ZPBP: variants seen among roughly 807,000 people sequenced by gnomAD.
ZPBP encodes zona pellucida-binding protein 1.
In ZPBP, 26 loss-of-function variants were observed where a neutral mutation model predicts 44.8. That is an observed-to-expected ratio of 0.58 (90% CI 0.43 to 0.81). ZPBP has a LOEUF of 0.81. ZPBP is among the 30% of genes least tolerant of loss of function. ZPBP has a pLI of 0.00. For missense variants in ZPBP, 409 were observed against 434.0 expected (o/e 0.94, Z 0.51); for synonymous variants, 174 against 153.2 (o/e 1.14, Z -1.00).
At chr7:50,090,604 CGTATATATGT>C (rs1280486692) in intron 1 of ZPBP, among the ~76,000 whole-genome samples, 41 of 62,156 alleles carry the variant, frequency 6.6e-4, no homozygotes, top group African/African-American at 2.2e-3. Flanking sequence ...CGTATATATG[CGTATATATGT>C]GTATATATGT....
intron 7 of ZPBP, among the ~76,000 whole-genome samples, chr7:49,959,612 T>C (rs965050210): frequency 3.9e-5 from 6 of 152,072 alleles, no homozygotes; most frequent in African/African-American, 1.4e-4. Flanking sequence ...TTAAAAAGAA[T>C]TTACACACTT....
intron 7 of ZPBP, among the ~76,000 whole-genome samples, chr7:49,956,255 A>G (rs1269682522): frequency 1.3e-5 from 2 of 152,054 alleles, no homozygotes; most frequent in Admixed American, 6.5e-5. Context: ...AATATTTTGA[A>G]TTTAATAATA....
chr7:50,062,206 T>C (rs1328137322), intron 3 of ZPBP, among the ~76,000 whole-genome samples: 1 of 152,198 alleles, frequency 6.6e-6, no homozygotes, highest in Admixed American at 6.5e-5. Context: ...CATTCCATGC[T>C]CATGGGTAGA....
chr7:49,856,498 T>C (rs948090135), intron 2 of ZPBP, among the ~76,000 whole-genome samples: 11 of 152,152 alleles, frequency 7.2e-5, no homozygotes, highest in African/African-American at 2.4e-4. Flanking sequence ...TCTTTAAAAA[T>C]TACCCTTTAT....
chr7:49,913,951 A>G (rs1793592350), intron 1 of ZPBP: 1 of 152,228 alleles, frequency 6.6e-6, no homozygotes, highest in Non-Finnish European at 1.5e-5. Flanking sequence ...GAACACCTTG[A>G]GCCAAAGGAA....
chr7:50,063,471 T>C (rs74884745), intron 3 of ZPBP, among the ~76,000 whole-genome samples: 2 of 152,218 alleles, frequency 1.3e-5, no homozygotes, highest in Non-Finnish European at 2.9e-5. Context: ...TGTCAGAATA[T>C]ACAAACTCTA....
intron 6 of ZPBP, among the ~76,000 whole-genome samples, chr7:50,015,711 C>T (rs569184228): frequency 2.0e-5 from 3 of 151,326 alleles, no homozygotes; most frequent in African/African-American, 7.3e-5. Context: ...AAGCAAAATA[C>T]AAACAACCCC....
intron 7 of ZPBP, among the ~76,000 whole-genome samples, chr7:49,955,241 A>T (rs1795527808): frequency 6.6e-6 from 1 of 152,170 alleles, no homozygotes; most frequent in Admixed American, 6.6e-5. Context: ...TATGAAATCA[A>T]TGTTCTATAC....
chr7:49,891,893 ATATC>A (rs1307796633), intron 2 of ZPBP, among the ~76,000 whole-genome samples: 8 of 152,238 alleles, frequency 5.3e-5, no homozygotes, highest in Non-Finnish European at 1.2e-4. Flanking sequence ...TTTAAAGTAA[ATATC>A]TATCAAGAGT....
chr7:49,891,497 C>T (rs919625070), intron 2 of ZPBP, among the ~76,000 whole-genome samples: 2 of 152,074 alleles, frequency 1.3e-5, no homozygotes, highest in Non-Finnish European at 2.9e-5. Flanking sequence ...TGACAAGATA[C>T]TTCAAAAGAC....
intron 5 of ZPBP, among the ~76,000 whole-genome samples, chr7:50,026,547 TAAG>T (rs1296706815): frequency 6.6e-6 from 1 of 151,842 alleles, no homozygotes; most frequent in Non-Finnish European, 1.5e-5. Context: ...TCAGTAAGTA[TAAG>T]AAGATGAAAA....
intron 2 of ZPBP, among the ~76,000 whole-genome samples, chr7:49,882,269 T>C (rs1255719843): frequency 6.6e-6 from 1 of 152,140 alleles, no homozygotes; most frequent in African/African-American, 2.4e-5. Context: ...GGAAGAGAGA[T>C]TCTTGGCTAT....
chr7:49,936,947 A>G (rs1310962424), downstream of ZPBP, among the ~76,000 whole-genome samples: 1 of 152,202 alleles, frequency 6.6e-6, no homozygotes, highest in Non-Finnish European at 1.5e-5. Flanking sequence ...TAAAATGCCA[A>G]AAAGGTAATT....
intron 7 of ZPBP, among the ~76,000 whole-genome samples, chr7:49,980,802 C>T (rs550436363): frequency 6.6e-6 from 1 of 152,058 alleles, no homozygotes; most frequent in Non-Finnish European, 1.5e-5. Context: ...TAAATTTAAA[C>T]ATGAGATTTT....
chr7:49,885,177 T>C (rs569772575), intron 2 of ZPBP, among the ~76,000 whole-genome samples: 8 of 152,164 alleles, frequency 5.3e-5, no homozygotes, highest in Admixed American at 2.0e-4. Flanking sequence ...ACATAAGAAA[T>C]TGAAATAATT....
rs1379714350 is a variant in ZPBP, at chr7:49,975,027, CCT to C, written c.961+8313_961+8314del. 6.6e-5 allele frequency among the ~76,000 whole-genome samples: 10 copies of C among 152,132 alleles called. No individual in the cohort carries two copies. The East Asian group carries it at 2.0e-3, about 30-fold the overall frequency. The stretch of plus-strand genomic sequence containing the variant: ...GACCCAGTGGCATTCCCTCCCATGC[CCT>C]GACATTGGCAGCAAGTGGGGACAAT... On this transcript the variant is annotated intron_variant, in intron 7 of 7. Transcript: ENST00000046087.
chr7:49,884,196 C>CT (rs1791800054), intron 2 of ZPBP, among the ~76,000 whole-genome samples: 1 of 152,214 alleles, frequency 6.6e-6, no homozygotes, highest in Non-Finnish European at 1.5e-5. Context: ...AGGGTCCAGG[C>CT]TGCTGGCTGA....
chr7:49,978,185 CTG>C (rs1447075545), intron 7 of ZPBP, among the ~76,000 whole-genome samples: 1 of 150,840 alleles, frequency 6.6e-6, no homozygotes, highest in African/African-American at 2.4e-5. Flanking sequence ...ATTTCAGAAT[CTG>C]TGTTTTCACA....
intron 2 of ZPBP, among the ~76,000 whole-genome samples, chr7:49,882,548 CAG>C (rs766895099): frequency 3.3e-5 from 5 of 151,624 alleles, no homozygotes; most frequent in Non-Finnish European, 5.9e-5. Context: ...GAGAGAGAGA[CAG>C]AGAGAGACAC....
Sources: allele counts gnomAD v4.1 joint callset (sites outside exome capture counted in the v4.1 genomes callset), GRCh38; gene constraint gnomAD v4.1.1; transcripts MANE v1.5; gene names NCBI Gene and HGNC (gene_info 2026-07-23, HGNC 2026-07-21).